The following NCAM1 variants were observed in gnomAD, a reference collection of about 807,000 sequenced individuals.
The protein encoded by NCAM1 is neural cell adhesion molecule 1.
NCAM1 carries 14 observed loss-of-function variants against 109.8 expected under a neutral mutation model. That is an observed-to-expected ratio of 0.13 (90% CI 0.08 to 0.20). The LOEUF (loss-of-function observed/expected upper bound fraction) is 0.20, where lower values mean the gene tolerates loss of function less well. NCAM1 is among the 10% of genes least tolerant of loss of function. The pLI is 1.00. For missense variants in NCAM1, 774 were observed against 1,109.9 expected (o/e 0.70, Z 4.30); for synonymous variants, 418 against 442.9 (o/e 0.94, Z 0.70).
chr11:113,270,597 CTT>C, intron 18 of NCAM1: 2 of 589,990 alleles, frequency 3.4e-6, no homozygotes, highest in Non-Finnish European at 3.0e-6. Context: ...AATGTAGACT[CTT>C]GAGCCCAATC....
chr11:112,964,129 G>GTTTTTTT (rs782504184), intron 1 of NCAM1, among the ~76,000 whole-genome samples: 1 of 123,870 alleles, frequency 8.1e-6, no homozygotes, highest in Admixed American at 8.3e-5. Flanking sequence ...TATATCTGAG[G>GTTTTTTT]TTTTTTTTTT....
intron 9 of NCAM1, among the ~76,000 whole-genome samples, chr11:113,222,981 T>TG (rs1277823784): frequency 6.6e-6 from 1 of 152,220 alleles, no homozygotes; most frequent in Non-Finnish European, 1.5e-5. Context: ...GCTCAGGTTA[T>TG]GGCCAGTTTC....
At chr11:113,084,370 T>C (rs1018602270) in intron 1 of NCAM1, among the ~76,000 whole-genome samples, 1 of 152,164 alleles carries the variant, frequency 6.6e-6, no homozygotes, top group Admixed American at 6.5e-5. Context: ...ATTTTATAGA[T>C]ACAGAAACTG....
At chr11:113,047,538 C>G (rs1273095687) in intron 1 of NCAM1, among the ~76,000 whole-genome samples, 1 of 152,158 alleles carries the variant, frequency 6.6e-6, no homozygotes, top group African/African-American at 2.4e-5. Flanking sequence ...TCTGGGGTAA[C>G]AGGGTTCTGC....
At chr11:113,106,700 C>T (rs181619280) in intron 1 of NCAM1, among the ~76,000 whole-genome samples, 3 of 152,264 alleles carry the variant, frequency 2.0e-5, no homozygotes, top group Admixed American at 2.0e-4. Flanking sequence ...TCTAGGCCCA[C>T]TAAGGGGGTT....
chr11:113,143,224 T>G (rs1941894858), intron 1 of NCAM1, among the ~76,000 whole-genome samples: 1 of 152,262 alleles, frequency 6.6e-6, no homozygotes, highest in African/African-American at 2.4e-5. Flanking sequence ...TTTCATACAT[T>G]GCATTTGGCT....
intron 1 of NCAM1, among the ~76,000 whole-genome samples, chr11:113,128,079 C>T (rs1555097491): frequency 6.6e-6 from 1 of 152,178 alleles, no homozygotes; most frequent in South Asian, 2.1e-4. Flanking sequence ...TATATTTTTC[C>T]TTGGCTGGTG....
intron 8 of NCAM1, among the ~76,000 whole-genome samples, chr11:113,218,438 T>C (rs1030892826): frequency 2.0e-5 from 3 of 152,192 alleles, no homozygotes; most frequent in Non-Finnish European, 2.9e-5. Context: ...CAGTTTTGTG[T>C]TTTGCTTCAC....
rs781938524 is a variant in NCAM1 at position 112,994,691 on chromosome 11, G to C, written c.52+33027G>C. 2.0e-5 allele frequency among the ~76,000 whole-genome samples: 3 copies of C among 152,112 alleles called. No homozygotes were observed. The East Asian group carries it at 5.8e-4, about 29-fold the overall frequency. On this transcript the variant is annotated intron_variant, in intron 1 of 19. Transcript: ENST00000316851. Reference sequence around the variant, plus strand: ...CCTACTTCATGCTTAGAGTACCCGGGAGTTCTGCACCTGGAGGCTATCTTG... The same window carrying C: ...CCTACTTCATGCTTAGAGTACCCGGCAGTTCTGCACCTGGAGGCTATCTTG...
At chr11:113,128,207 G>A (rs1300740032) in intron 1 of NCAM1, among the ~76,000 whole-genome samples, 13 of 152,174 alleles carry the variant, frequency 8.5e-5, no homozygotes, top group Admixed American at 8.5e-4. Context: ...GCTCTTCACT[G>A]CTCGGGCCTT....
In NCAM1 at chr11:113,025,029, A is replaced by G. The variant is rs1555076930; in HGVS notation, c.52+63365A>G. 2.0e-5 allele frequency among the ~76,000 whole-genome samples: 3 copies of G among 152,258 alleles called. 1 individual carries two copies. The highest frequency in any genetic ancestry group is 4.1e-4 in the South Asian group (2 of 4,834). On this transcript the variant is annotated intron_variant, in intron 1 of 19. Coordinates refer to ENST00000316851, the MANE Select transcript of NCAM1 (RefSeq NM_181351.5). ...ATCTCATTGGAAGTAAATGGCTAAC[A>G]GCTTCCAAACGGTCTCATCATTGAT...
chr11:113,211,851 T>C (rs1192337089), intron 7 of NCAM1, among the ~76,000 whole-genome samples: 4 of 152,110 alleles, frequency 2.6e-5, no homozygotes, highest in African/African-American at 9.7e-5. Context: ...TGCCTCTTAG[T>C]GGCAAGCATT....
At chr11:113,153,701 T>C (rs1020023801) in intron 1 of NCAM1, among the ~76,000 whole-genome samples, 8 of 152,182 alleles carry the variant, frequency 5.3e-5, no homozygotes, top group African/African-American at 1.9e-4. Context: ...GTTAGATATG[T>C]AAATCTGGGA....
At chr11:113,052,069 TC>T (rs1236633958) in intron 1 of NCAM1, among the ~76,000 whole-genome samples, 4 of 152,306 alleles carry the variant, frequency 2.6e-5, no homozygotes, top group Admixed American at 2.6e-4. Flanking sequence ...CTTTTAAGTT[TC>T]CCTTCATAGG....
intron 1 of NCAM1, among the ~76,000 whole-genome samples, chr11:113,111,554 G>A (rs919408492): frequency 2.0e-5 from 3 of 152,188 alleles, no homozygotes; most frequent in African/African-American, 7.2e-5. Flanking sequence ...CTGTTTTAGA[G>A]TAATGGAAGC....
At chr11:113,062,278 C>T (rs1937699778) in intron 1 of NCAM1, among the ~76,000 whole-genome samples, 1 of 152,162 alleles carries the variant, frequency 6.6e-6, no homozygotes, top group Non-Finnish European at 1.5e-5. Flanking sequence ...GTATCTGGCA[C>T]CACTGAGTGG....
chr11:113,244,840 C>T (rs1404013612), intron 14 of NCAM1, among the ~76,000 whole-genome samples: 1 of 152,176 alleles, frequency 6.6e-6, no homozygotes, highest in Non-Finnish European at 1.5e-5. Flanking sequence ...CACATTCTGT[C>T]AGCTCACGGT....
At chr11:113,239,793 CT>C (rs1945274046) in intron 14 of NCAM1, among the ~76,000 whole-genome samples, 2 of 152,146 alleles carry the variant, frequency 1.3e-5, no homozygotes, top group South Asian at 4.1e-4. Context: ...TTCTTTGTTG[CT>C]TTGATTCCAG....
chr11:113,089,306 AAATAAT>A (rs766921602), intron 1 of NCAM1, among the ~76,000 whole-genome samples: 6 of 152,096 alleles, frequency 3.9e-5, no homozygotes, highest in Non-Finnish European at 8.8e-5. Context: ...ACTCCATCTC[AAATAAT>A]AATAATAACA....
Sources: allele counts gnomAD v4.1 joint callset (sites outside exome capture counted in the v4.1 genomes callset), GRCh38; gene constraint gnomAD v4.1.1; transcripts MANE v1.5; gene names NCBI Gene and HGNC (gene_info 2026-07-23, HGNC 2026-07-21).